TPX2: variants seen among roughly 807,000 people sequenced by gnomAD.
TPX2 encodes targeting protein for Xklp2.
In TPX2, 21 loss-of-function variants were observed where a neutral mutation model predicts 93.6. That is an observed-to-expected ratio of 0.22 (90% CI 0.16 to 0.32). The LOEUF (loss-of-function observed/expected upper bound fraction) is 0.32. Among genes scored for constraint, TPX2 ranks in the 10% least tolerant of loss-of-function variants. TPX2 has a pLI of 1.00. For missense variants in TPX2, 776 were observed against 871.1 expected (o/e 0.89, Z 1.37); for synonymous variants, 281 against 298.3 (o/e 0.94, Z 0.60).
At chr20:31,757,732 A>G in intron 3 of TPX2, 150 bp downstream of exon 3, 1 of 627,302 alleles carries the variant, frequency 1.6e-6, no homozygotes, top group Non-Finnish European at 2.8e-6. Context: ...TATTATGGGA[A>G]TAATTGAAAT....
At chr20:31,769,189 A>T (rs945062403) in intron 5 of TPX2, among the ~76,000 whole-genome samples, 2 of 150,570 alleles carry the variant, frequency 1.3e-5, no homozygotes, top group African/African-American at 5.0e-5. Flanking sequence ...CATGTACCCT[A>T]AAACTTAAAG....
chr20:31,795,961 G>A (rs183904366), intron 15 of TPX2, among the ~76,000 whole-genome samples: 3 of 152,262 alleles, frequency 2.0e-5, no homozygotes, highest in African/African-American at 7.2e-5. Flanking sequence ...TGAAGCCCGA[G>A]AGTTGTAATG....
intron 2 of TPX2, among the ~76,000 whole-genome samples, chr20:31,745,360 C>T (rs2061777430): frequency 7.0e-6 from 1 of 143,194 alleles, no homozygotes; most frequent in Admixed American, 7.2e-5. Context: ...GACAGAGTCT[C>T]ACTCTGTCAA....
chr20:31,744,308 A>T (rs1289470379), intron 2 of TPX2, among the ~76,000 whole-genome samples: 3 of 151,126 alleles, frequency 2.0e-5, no homozygotes, highest in African/African-American at 7.3e-5. Context: ...GATTACAGGC[A>T]CCCGCAACCA....
chr20:31,748,628 TA>T (rs1271157525), intron 2 of TPX2, among the ~76,000 whole-genome samples: 1 of 152,210 alleles, frequency 6.6e-6, no homozygotes, highest in African/African-American at 2.4e-5. Flanking sequence ...AAGCAATGTT[TA>T]TAGGAAAACT....
rs542222983 is a variant in TPX2 at position 31,764,111 on chromosome 20, C to A, written c.230-2445C>A. Among the ~76,000 whole-genome samples the A allele has an allele frequency of 1.2e-4, 14 of 115,334 alleles. No homozygotes were observed. The South Asian group carries it at 2.6e-3, about 21-fold the overall frequency. 75.7% of individuals were successfully genotyped at this position (115,334 alleles called of 152,430 possible). ...TATATATGTACATACATCTAATATACATGTATGTGTGTATATATGTACATA... is the reference window on the plus strand; with the variant it reads ...TATATATGTACATACATCTAATATAAATGTATGTGTGTATATATGTACATA... On this transcript the variant is annotated intron_variant, in intron 4 of 17. Coordinates refer to ENST00000300403, the MANE Select transcript of TPX2 (RefSeq NM_012112.5).
intron 2 of TPX2, among the ~76,000 whole-genome samples, chr20:31,749,028 C>T (rs2061801777): frequency 6.6e-6 from 1 of 151,754 alleles, no homozygotes; most frequent in Non-Finnish European, 1.5e-5. Flanking sequence ...TCACTGCAAC[C>T]TCCGCCTCCT....
chr20:31,744,738 C>T (rs1048353623), intron 2 of TPX2, among the ~76,000 whole-genome samples: 3 of 151,988 alleles, frequency 2.0e-5, no homozygotes, highest in Non-Finnish European at 4.4e-5. Flanking sequence ...ATATGGTATT[C>T]CATTATTTGG....
At chr20:31,799,825 G>A (rs1309179013) in intron 17 of TPX2, among the ~76,000 whole-genome samples, 1 of 150,672 alleles carries the variant, frequency 6.6e-6, no homozygotes, top group Non-Finnish European at 1.5e-5. Flanking sequence ...GCTTGAACCT[G>A]GGAGGCCCAG....
intron 7 of TPX2, among the ~76,000 whole-genome samples, chr20:31,775,478 C>G (rs1009811521): frequency 6.6e-6 from 1 of 151,814 alleles, no homozygotes; most frequent in Non-Finnish European, 1.5e-5. Flanking sequence ...CAGGTTCAAG[C>G]AATTCTCTTG....
At chr20:31,744,673 C>T (rs2061773580) in intron 2 of TPX2, among the ~76,000 whole-genome samples, 1 of 152,118 alleles carries the variant, frequency 6.6e-6, no homozygotes, top group Non-Finnish European at 1.5e-5. Context: ...GCTGAAACTA[C>T]AGGTGCATGC....
At chr20:31,799,919 A>T (rs923599384) in intron 17 of TPX2, among the ~76,000 whole-genome samples, 1 of 150,614 alleles carries the variant, frequency 6.6e-6, no homozygotes, top group Non-Finnish European at 1.5e-5. Context: ...AAAAAAAAAA[A>T]AAGAAGTGTA....
At chr20:31,750,550 C>A (rs1163810516) in intron 2 of TPX2, among the ~76,000 whole-genome samples, 2 of 151,796 alleles carry the variant, frequency 1.3e-5, no homozygotes, top group African/African-American at 4.8e-5. Context: ...ACTGCAACCT[C>A]TGCCTCCTGC....
chr20:31,775,461 C>T (rs1432823822), intron 7 of TPX2, among the ~76,000 whole-genome samples: 5 of 151,658 alleles, frequency 3.3e-5, no homozygotes, highest in Non-Finnish European at 7.4e-5. Flanking sequence ...CTGCAACCTC[C>T]CCCTCCCAGG....
chr20:31,750,863 A>G (rs983506028), intron 2 of TPX2, among the ~76,000 whole-genome samples: 1 of 152,188 alleles, frequency 6.6e-6, no homozygotes, highest in East Asian at 1.9e-4. Flanking sequence ...GGCTGCAAAC[A>G]TAGATCTAGG....
At position 31,794,489 on chromosome 20, in the gene TPX2, C is replaced by A; in HGVS notation, c.1774C>A (p.Pro592Thr). 6.2e-7 allele frequency: 1 copy of A among 1,614,072 alleles called. No individual in the cohort carries two copies. The highest frequency in any genetic ancestry group is 8.5e-7 in the Non-Finnish European group (1 of 1,180,018). ...KKVKNVTQIE[P>T]FCLETDRRGA... ...GGTAAAGAATGTGACCCAGATTGAA[C>A]CTTTCTGCTTGGAGACTGACAGAAG... The change falls in exon 15 of 18, where the codon CCT (proline) becomes ACT (threonine). Residue 592 changes from proline (P) to threonine (T), a missense_variant. Pro to Thr is a conservative substitution (Grantham distance 38, BLOSUM62 -1). Transcript: ENST00000300403.
Position 31,741,074 on chromosome 20 carries a change from A to G in TPX2, c.-178+1453A>G, listed in dbSNP as rs1179419211. 5.3e-5 allele frequency among the ~76,000 whole-genome samples: 8 copies of G among 152,332 alleles called. No individual in the cohort carries two copies. In the East Asian group the frequency reaches 9.6e-4, roughly 18 times the overall value. ...TAATTTATTGCAATTAAGTTTGTCC[A>G]GGATTATGTGAGAGAGTCCTTCATT... On this transcript the variant is annotated intron_variant, in intron 1 of 17. Coordinates refer to ENST00000300403, the MANE Select transcript of TPX2 (RefSeq NM_012112.5).
At chr20:31,759,344 A>G (rs2061872561) in intron 3 of TPX2, among the ~76,000 whole-genome samples, 1 of 149,048 alleles carries the variant, frequency 6.7e-6, no homozygotes, top group South Asian at 2.1e-4. Flanking sequence ...CTGTAAGACT[A>G]TACAGTATCT....
chr20:31,794,254 T>G, intron 14 of TPX2, 148 bp from the exon 15 acceptor site: 5 of 1,186,584 alleles, frequency 4.2e-6, no homozygotes, highest in Non-Finnish European at 5.8e-6. Context: ...GAGGAAAGCC[T>G]AGATTTCCTT....
Sources: gnomAD v4.1 joint callset for allele counts (sites outside exome capture counted in the v4.1 genomes callset) on GRCh38, gnomAD v4.1.1 for gene constraint, MANE v1.5 for transcripts, NCBI Gene and HGNC (gene_info 2026-07-23, HGNC 2026-07-21) for gene names.